AFF1: variants seen among roughly 807,000 people sequenced by gnomAD.
The protein encoded by AFF1 is AF4/FMR2 family member 1.
In AFF1, 48 loss-of-function variants were observed where a neutral mutation model predicts 121.7. The ratio of observed to expected loss-of-function variants is 0.39; its 90% CI spans 0.31 to 0.50. The LOEUF (loss-of-function observed/expected upper bound fraction) is 0.50, where lower values mean the gene tolerates loss of function less well. Ranked by LOEUF, AFF1 falls within the 20% of genes least tolerant of loss-of-function variation. The pLI, the probability that AFF1 is intolerant of heterozygous loss-of-function variation, is 0.76. For synonymous variants in AFF1, 613 were observed against 563.0 expected (o/e 1.09, Z -1.26); for missense variants, 1,523 against 1,511.7 (o/e 1.01, Z -0.12).
intron 16 of AFF1, among the ~76,000 whole-genome samples, chr4:87,129,625 T>C (rs754800819): frequency 9.2e-5 from 14 of 152,262 alleles, no homozygotes; most frequent in Admixed American, 5.9e-4. Flanking sequence ...CATTTGATTT[T>C]TGTTCTGTCA....
intron 4 of AFF1, among the ~76,000 whole-genome samples, chr4:87,080,885 A>G (rs1723094561): frequency 6.6e-6 from 1 of 152,194 alleles, no homozygotes; most frequent in Non-Finnish European, 1.5e-5. Flanking sequence ...TCTCAGGTAG[A>G]TGGAACATAA....
At chr4:87,049,421 T>C (rs1020280133) in intron 4 of AFF1, among the ~76,000 whole-genome samples, 2 of 152,194 alleles carry the variant, frequency 1.3e-5, no homozygotes, top group Non-Finnish European at 2.9e-5. Flanking sequence ...ACTTACTGTT[T>C]TCTTGGGTGG....
chr4:87,091,735 TCTTTAA>T lies in AFF1; in HGVS notation c.1192-52_1192-47del, dbSNP rs1288839348. ...TAATACTAAAAGCTCAACGGTTTTC[TCTTTAA>T]CTTTATAAGCCTTAATCTTTTAATA... On this transcript the variant is annotated intron_variant, in intron 6 of 20. Coordinates refer to ENST00000395146, the MANE Select transcript of AFF1 (RefSeq NM_001166693.3). 12 of 1,176,142 alleles carry T rather than the reference TCTTTAA, an allele frequency of 1.0e-5. No individual in the cohort carries two copies. In the Admixed American group the frequency reaches 1.0e-4, roughly 10 times the overall value. The allele number at this position is 1,176,142 out of a possible 1,614,324, so 72.9% of individuals were successfully genotyped here.
In AFF1 at chr4:87,134,699, A is replaced by G; in HGVS notation, c.3535+5A>G. ...CCCTCACGAGGAAGAATAAAGGTAA[A>G]TAAATGGCTTTGTGGTGGTAATTAC... On this transcript the variant is annotated splice_donor_5th_base_variant and intron_variant, in intron 20 of 20. Transcript: ENST00000395146. The G allele has an allele frequency of 1.9e-6, 3 of 1,607,510 alleles. No individual in the cohort carries two copies. The highest frequency in any genetic ancestry group is 1.1e-5 in the South Asian group (1 of 90,910).
chr4:86,980,951 C>T (rs546513891), intron 2 of AFF1, among the ~76,000 whole-genome samples: 5 of 135,298 alleles, frequency 3.7e-5, no homozygotes, highest in Admixed American at 1.5e-4. Flanking sequence ...TGAGGCACCC[C>T]CCCCCTCCAC....
chr4:87,129,024 T>C (rs1443034223), intron 16 of AFF1, among the ~76,000 whole-genome samples: 2 of 152,242 alleles, frequency 1.3e-5, no homozygotes, highest in Non-Finnish European at 2.9e-5. Context: ...GTAATATTCA[T>C]ACTCTAGGGA....
In AFF1 at chr4:87,137,794, T is replaced by A. The variant is rs548407238; in HGVS notation, c.*2093T>A. ...AAGATGTTATTTAACATCTTTCTTT[T>A]TTCCTTACTCCCTTAGCCATCCCCT... On this transcript the variant is annotated 3_prime_UTR_variant, in exon 21 of 21. Coordinates refer to ENST00000395146, the MANE Select transcript of AFF1 (RefSeq NM_001166693.3). 1 of 232,252 alleles carries A rather than the reference T, an allele frequency of 4.3e-6. No individual in the cohort carries two copies. Among genetic ancestry groups the A allele is most frequent in the South Asian group, 1.8e-4 (1 of 5,524 alleles). 14.4% of individuals were successfully genotyped at this position (232,252 alleles called of 1,614,324 possible).
intron 8 of AFF1, among the ~76,000 whole-genome samples, chr4:87,096,298 C>CTT (rs10593271): frequency 1.2e-4 from 7 of 57,052 alleles, no homozygotes; most frequent in South Asian, 7.6e-4. Context: ...TTGTTATTCC[C>CTT]TTTTTTTTTT....
chr4:87,030,193 A>C (rs1728931438), intron 2 of AFF1, among the ~76,000 whole-genome samples: 1 of 151,890 alleles, frequency 6.6e-6, no homozygotes, highest in African/African-American at 2.4e-5. Context: ...TCCAGGGGTC[A>C]ACAAACCTTT....
In AFF1 at chr4:87,108,282, A is replaced by G. The variant is rs1415483855; in HGVS notation, c.1500A>G (p.Glu500=). 1.2e-6 allele frequency: 2 copies of G among 1,614,026 alleles called. No homozygotes were observed. Among genetic ancestry groups the G allele is most frequent in the South Asian group, 1.1e-5 (1 of 91,068 alleles). ...SESESSSSDS[E]ENEPLETPAP... is the part of the protein sequence containing the mutation. ...GCGAGAGCAGTTCAAGTGACAGCGA[A>G]GAAAATGAGCCCCTAGAAACCCCAG... Residue 500 remains glutamate, a synonymous_variant, in exon 11 of 21, where the codon GAA becomes GAG. Transcript: ENST00000395146.
At chr4:87,002,355 C>G (rs1031588815) in intron 2 of AFF1, among the ~76,000 whole-genome samples, 5 of 150,314 alleles carry the variant, frequency 3.3e-5, no homozygotes, top group Admixed American at 1.3e-4. Context: ...CTCAGTCTCT[C>G]AAAGTGCTGG....
chr4:86,960,143 G>A (rs1722042393), intron 2 of AFF1, among the ~76,000 whole-genome samples: 1 of 152,118 alleles, frequency 6.6e-6, no homozygotes, highest in Non-Finnish European at 1.5e-5. Context: ...GTTTCCTAGT[G>A]GTGAGCATGG....
chr4:86,949,937 C>CG, intron 2 of AFF1: 1 of 1,614,066 alleles, frequency 6.2e-7, no homozygotes, highest in East Asian at 2.2e-5. Context: ...CCCAGCGGGC[C>CG]GCAGGTCCCG....
chr4:87,042,764 G>C (rs1730287703), intron 2 of AFF1, among the ~76,000 whole-genome samples: 1 of 152,172 alleles, frequency 6.6e-6, no homozygotes, highest in Admixed American at 6.5e-5. Flanking sequence ...CTCCCTGTGG[G>C]AGAATTCTTG....
At chr4:86,947,142 T>TG (rs1560493925) in intron 1 of AFF1, among the ~76,000 whole-genome samples, 1 of 151,972 alleles carries the variant, frequency 6.6e-6, no homozygotes, top group Admixed American at 6.6e-5. Flanking sequence ...GGGAGACTAG[T>TG]GGGGATTGAG....
chr4:87,131,158 T>A lies in AFF1; in HGVS notation c.3040T>A (p.Ser1014Thr), dbSNP rs1728790862. ...CATTGAGTGCGGAATTGCCACAGAG[T>A]CTGAAAGCCAGTCATCCAAGTCAGC... ...SFIECGIATESESQSSKSAYS... is the reference protein window; with the variant it reads ...SFIECGIATETESQSSKSAYS... Residue 1014 changes from serine (S) to threonine (T), a missense_variant, in exon 17 of 21, where the codon TCT (serine) becomes ACT (threonine). Ser to Thr is a moderately conservative substitution (Grantham distance 58, BLOSUM62 1). This residue lies in a region of AFF1 where 241 missense variants were observed against 265.2 expected (regional missense o/e 0.91). Transcript: ENST00000395146. The A allele has an allele frequency of 6.2e-7, 1 of 1,613,988 alleles. No individual in the cohort carries two copies.
At chr4:86,998,023 A>G (rs1037864262) in intron 2 of AFF1, among the ~76,000 whole-genome samples, 40 of 143,110 alleles carry the variant, frequency 2.8e-4, no homozygotes, top group Non-Finnish European at 1.5e-5. Context: ...GCTTGAACCC[A>G]GCAGGCGGAG....
At chr4:87,064,508 G>A (rs944834651) in intron 4 of AFF1, among the ~76,000 whole-genome samples, 9 of 152,186 alleles carry the variant, frequency 5.9e-5, no homozygotes, top group Admixed American at 2.0e-4. Flanking sequence ...TTGGGAAGCC[G>A]AGGCAGGAGG....
chr4:87,111,783 G>T (rs1726566426), intron 11 of AFF1, among the ~76,000 whole-genome samples: 1 of 152,140 alleles, frequency 6.6e-6, no homozygotes, highest in African/African-American at 2.4e-5. Flanking sequence ...TGTTCCCCTT[G>T]TCTGGCACAA....
Sources: allele counts gnomAD v4.1 joint callset (sites outside exome capture counted in the v4.1 genomes callset), GRCh38; gene constraint gnomAD v4.1.1; regional missense constraint gnomAD v4.1.1; transcripts MANE v1.5; gene names NCBI Gene and HGNC (gene_info 2026-07-23, HGNC 2026-07-21).